The following OPCML variants were observed in gnomAD, a reference collection of about 807,000 sequenced individuals.
OPCML encodes the protein opioid binding protein/cell adhesion molecule like.
OPCML carries 13 observed loss-of-function variants against 37.8 expected under a neutral mutation model. The ratio of observed to expected loss-of-function variants is 0.34; its 90% CI spans 0.22 to 0.55. The LOEUF is 0.55. Ranked by LOEUF, OPCML falls within the 20% of genes least tolerant of loss-of-function variation. The pLI, the probability that OPCML is intolerant of heterozygous loss-of-function variation, is 0.91. For missense variants in OPCML, 341 were observed against 435.6 expected, an observed-to-expected ratio of 0.78 and a Z score of 1.93; for synonymous variants, 176 against 168.8, an observed-to-expected ratio of 1.04 and a Z score of -0.33.
chr11:132,816,662 C>A (rs1203833228), intron 2 of OPCML, among the ~76,000 whole-genome samples: 2 of 152,136 alleles, frequency 1.3e-5, no homozygotes, highest in Admixed American at 1.3e-4. Context: ...AACTGAGAAT[C>A]ACAGCGTTCG....
chr11:132,877,737 C>G (rs1441365093), intron 2 of OPCML, among the ~76,000 whole-genome samples: 2 of 152,156 alleles, frequency 1.3e-5, no homozygotes, highest in Non-Finnish European at 2.9e-5. Context: ...CTAGACTTTA[C>G]TCTGTGCTCA....
At chr11:133,178,867 A>C (rs1353058932) in intron 1 of OPCML, among the ~76,000 whole-genome samples, 2 of 152,210 alleles carry the variant, frequency 1.3e-5, no homozygotes, top group Non-Finnish European at 2.9e-5. Context: ...TTACAGAAAC[A>C]CACATACAGT....
At chr11:133,344,878 G>A (rs561824435) in intron 1 of OPCML, among the ~76,000 whole-genome samples, 12 of 152,130 alleles carry the variant, frequency 7.9e-5, no homozygotes, top group Non-Finnish European at 1.8e-4. Flanking sequence ...ACCTTCCTGG[G>A]AATTGGGACA....
chr11:133,195,203 A>G (rs1349529884), intron 1 of OPCML, among the ~76,000 whole-genome samples: 1 of 152,156 alleles, frequency 6.6e-6, no homozygotes, highest in African/African-American at 2.4e-5. Flanking sequence ...TTCAAATTTA[A>G]TACTCTTTGG....
At chr11:133,233,402 C>T (rs574086780) in intron 1 of OPCML, among the ~76,000 whole-genome samples, 1 of 152,168 alleles carries the variant, frequency 6.6e-6, no homozygotes, top group Non-Finnish European at 1.5e-5. Flanking sequence ...GAGAAAGGTG[C>T]CCTCCCTGTA....
chr11:132,731,778 C>A (rs766542182), intron 2 of OPCML, among the ~76,000 whole-genome samples: 1 of 152,044 alleles, frequency 6.6e-6, no homozygotes, highest in African/African-American at 2.4e-5. Context: ...CTAAGGAAAG[C>A]CTTCTAGAAA....
chr11:133,226,377 G>A (rs947837896), intron 1 of OPCML, among the ~76,000 whole-genome samples: 4 of 152,200 alleles, frequency 2.6e-5, no homozygotes, highest in Non-Finnish European at 1.5e-5. Flanking sequence ...ACTCCAGCCA[G>A]GACAGAGCCC....
At chr11:132,899,869 G>A (rs1421806008) in intron 2 of OPCML, among the ~76,000 whole-genome samples, 1 of 152,080 alleles carries the variant, frequency 6.6e-6, no homozygotes, top group African/African-American at 2.4e-5. Flanking sequence ...CCCTTGGTCA[G>A]CAGAACTCCA....
chr11:133,418,279 TG>T (rs1945810829), intron 1 of OPCML: 1 of 985,222 alleles, frequency 1.0e-6, no homozygotes, highest in Non-Finnish European at 1.2e-6. Context: ...TAGAGTGACA[TG>T]GGAGGTTTAT....
chr11:132,700,215 G>A (rs1943753482), intron 2 of OPCML, among the ~76,000 whole-genome samples: 1 of 151,604 alleles, frequency 6.6e-6, no homozygotes, highest in Non-Finnish European at 1.5e-5. Flanking sequence ...TCTAGCTAAA[G>A]GTTAGTCACT....
In OPCML at chr11:133,098,875, AAG is replaced by A. The variant is rs550040969; in HGVS notation, c.62-155867_62-155866del. Among the ~76,000 whole-genome samples the A allele has an allele frequency of 4.7e-3, 710 of 152,326 alleles. 10 individuals are homozygous for A. Among genetic ancestry groups the A allele is most frequent in the African/African-American group, 0.01 (425 of 41,572 alleles). On this transcript the variant is annotated intron_variant, in intron 1 of 7. Transcript: ENST00000524381. Reference sequence around the variant, plus strand: ...GCATATAGATGGGGAAGGAAGAAATAAGACTGTATTTCTTTGCAGATGACATG... The same window carrying A: ...GCATATAGATGGGGAAGGAAGAAATAACTGTATTTCTTTGCAGATGACATG...
At chr11:133,358,911 C>G (rs1161052987) in intron 1 of OPCML, among the ~76,000 whole-genome samples, 2 of 151,862 alleles carry the variant, frequency 1.3e-5, no homozygotes, top group South Asian at 2.1e-4. Flanking sequence ...GATGGGTTTA[C>G]AGAGACCAGC....
chr11:133,174,110 G>A lies in OPCML; in HGVS notation c.62-231100C>T, dbSNP rs1258081206. On this transcript the variant is annotated intron_variant, in intron 1 of 7. Transcript: ENST00000524381. The surrounding 1 kb of genome is among the most constrained non-coding windows in gnomAD (Gnocchi z 4.6). ...CCTCGTTTGATTAATTTATGTCAGC[G>A]TTTTCTGTGTTGTCAGGCTGGTCCC... 6.6e-6 allele frequency among the ~76,000 whole-genome samples: 1 copy of A among 152,216 alleles called. No individual in the cohort carries two copies. Among genetic ancestry groups the A allele is most frequent in the East Asian group, 1.9e-4 (1 of 5,190 alleles).
Position 133,358,853 on chromosome 11 carries a change from C to T in OPCML, c.61+173411G>A, listed in dbSNP as rs545904920. ...CTGCTGGAGGTGTTCCCCCCACCCC[C>T]GACCAGTGGAGGGAATAACAAGAAC... On this transcript the variant is annotated intron_variant, in intron 1 of 7. Coordinates refer to ENST00000524381, the MANE Select transcript of OPCML (RefSeq NM_001012393.5). 9.9e-5 allele frequency among the ~76,000 whole-genome samples: 15 copies of T among 152,256 alleles called. No homozygotes were observed. The East Asian group carries it at 1.7e-3, about 18-fold the overall frequency.
intron 1 of OPCML, among the ~76,000 whole-genome samples, chr11:133,314,183 C>T (rs951959061): frequency 7.0e-5 from 9 of 128,300 alleles, no homozygotes; most frequent in Non-Finnish European, 1.4e-4. Context: ...TGCAGTGAGC[C>T]GAGATCGCGC....
intron 1 of OPCML, among the ~76,000 whole-genome samples, chr11:133,304,559 T>C (rs536837880): frequency 6.6e-6 from 1 of 152,314 alleles, no homozygotes; most frequent in Non-Finnish European, 1.5e-5. Context: ...CGATGCCTTC[T>C]TGAACTCTTG....
chr11:132,969,697 G>C (rs940898889), intron 1 of OPCML, among the ~76,000 whole-genome samples: 1 of 151,850 alleles, frequency 6.6e-6, no homozygotes, highest in African/African-American at 2.4e-5. Context: ...TTATTACTGA[G>C]CCCCTCTCAT....
At chr11:132,851,613 A>G (rs1290956038) in intron 2 of OPCML, among the ~76,000 whole-genome samples, 1 of 152,242 alleles carries the variant, frequency 6.6e-6, no homozygotes, top group Non-Finnish European at 1.5e-5. Flanking sequence ...ACTTAAAAAG[A>G]AAAGAAGAAT....
intron 1 of OPCML, among the ~76,000 whole-genome samples, chr11:133,085,797 G>A (rs181582653): frequency 7.2e-5 from 11 of 152,212 alleles, no homozygotes; most frequent in Non-Finnish European, 1.5e-5. Flanking sequence ...AGAGAAGAGA[G>A]ACTTCTTGGG....
Sources: gnomAD v4.1 joint callset for allele counts (sites outside exome capture counted in the v4.1 genomes callset) on GRCh38, gnomAD v4.1.1 for gene constraint, Gnocchi (gnomAD v3.1) non-coding constraint, MANE v1.5 for transcripts, NCBI Gene and HGNC (gene_info 2026-07-23, HGNC 2026-07-21) for gene names.